ASTN2: variants seen among roughly 807,000 people sequenced by gnomAD.
The protein encoded by ASTN2 is astrotactin-2.
Under a neutral mutation model 139.8 loss-of-function variants are expected in ASTN2, and 54 were observed. That is an observed-to-expected ratio of 0.39 (90% CI 0.31 to 0.48). The LOEUF (loss-of-function observed/expected upper bound fraction) is 0.48, where lower values mean the gene tolerates loss of function less well. Ranked by LOEUF, ASTN2 falls within the 20% of genes least tolerant of loss-of-function variation. The pLI is 0.95. For synonymous variants in ASTN2, 756 were observed against 719.5 expected (o/e 1.05, Z -0.81); for missense variants, 1,565 against 1,725.1 (o/e 0.91, Z 1.64).
intron 16 of ASTN2, among the ~76,000 whole-genome samples, chr9:116,656,202 T>C (rs1037344210): frequency 3.3e-5 from 5 of 152,176 alleles, no homozygotes; most frequent in Admixed American, 2.6e-4. Context: ...TTAATATTTG[T>C]TAAATATATA....
In ASTN2 at chr9:116,791,032, AAAG is replaced by A. The variant is rs1564269194; in HGVS notation, c.2396+14597_2396+14599del. 1.2e-3 allele frequency among the ~76,000 whole-genome samples: 146 copies of A among 122,616 alleles called. 2 individuals carry two copies. The highest frequency in any genetic ancestry group is 4.9e-3 in the East Asian group (13 of 2,674). The allele number at this position is 122,616 out of a possible 152,430, so 80.4% of individuals were successfully genotyped here. On this transcript the variant is annotated intron_variant, in intron 13 of 22. Transcript: ENST00000313400. ...GAAAGAAAGAAAGAAAGAAAGAAAG[AAAG>A]AAAGAAAGAAAAGAAAAGAAAGAAA...
At chr9:116,695,161 A>G (rs1279668295) in intron 16 of ASTN2, among the ~76,000 whole-genome samples, 2 of 152,196 alleles carry the variant, frequency 1.3e-5, no homozygotes, top group South Asian at 2.1e-4. Flanking sequence ...AAGTAAAAAT[A>G]TCTGTACTTC....
At chr9:116,789,368 C>CT (rs1830470133) in intron 13 of ASTN2, among the ~76,000 whole-genome samples, 1 of 152,206 alleles carries the variant, frequency 6.6e-6, no homozygotes, top group Admixed American at 6.5e-5. Context: ...TGACTCCTGG[C>CT]TTGTGCCTGC....
At chr9:116,446,132 T>C in intron 20 of ASTN2, among the ~76,000 whole-genome samples, 1 of 148,808 alleles carries the variant, frequency 6.7e-6, no homozygotes, top group East Asian at 2.0e-4. Flanking sequence ...AGTGAGAAGT[T>C]GGGGGGGGAC....
At chr9:116,963,428 G>A (rs1835922161) in intron 10 of ASTN2, among the ~76,000 whole-genome samples, 1 of 152,230 alleles carries the variant, frequency 6.6e-6, no homozygotes, top group Non-Finnish European at 1.5e-5. Context: ...GCTACTGAAT[G>A]CTGGCTGAAA....
chr9:117,264,294 C>T (rs1036512216), intron 2 of ASTN2, among the ~76,000 whole-genome samples: 5 of 151,988 alleles, frequency 3.3e-5, no homozygotes, highest in African/African-American at 1.2e-4. Flanking sequence ...AATTTCATTG[C>T]AAAGAGAAGT....
At chr9:116,724,686 T>G (rs1409787465) in intron 16 of ASTN2, among the ~76,000 whole-genome samples, 1 of 152,210 alleles carries the variant, frequency 6.6e-6, no homozygotes, top group Non-Finnish European at 1.5e-5. Flanking sequence ...ATTTTGTGGT[T>G]TTTTGTTATG....
Position 117,308,455 on chromosome 9 carries a change from C to T in ASTN2, c.443-16942G>A, listed in dbSNP as rs576418611. 3.3e-5 allele frequency among the ~76,000 whole-genome samples: 5 copies of T among 152,230 alleles called. No individual in the cohort carries two copies. In the South Asian group the frequency reaches 1.0e-3, roughly 32 times the overall value. ...GGCACTAAATGCAGTTAGTATGGAG[C>T]ACATCTGCTTGCCTCAAAGCATTTT... On this transcript the variant is annotated intron_variant, in intron 1 of 22. Coordinates refer to ENST00000313400, the MANE Select transcript of ASTN2 (RefSeq NM_001365068.1).
intron 2 of ASTN2, among the ~76,000 whole-genome samples, chr9:117,227,105 G>C (rs1358280300): frequency 1.3e-5 from 2 of 152,116 alleles, no homozygotes; most frequent in African/African-American, 4.8e-5. Flanking sequence ...AATCATGGGT[G>C]GGGGTTAGGG....
chr9:116,553,744 C>T (rs1255374485), intron 19 of ASTN2, among the ~76,000 whole-genome samples: 3 of 152,156 alleles, frequency 2.0e-5, no homozygotes, highest in Non-Finnish European at 2.9e-5. Context: ...GCCACATTGC[C>T]AGTACTCAAC....
At chr9:116,678,249 G>C (rs1859625788) in intron 16 of ASTN2, among the ~76,000 whole-genome samples, 1 of 152,172 alleles carries the variant, frequency 6.6e-6, no homozygotes, top group Non-Finnish European at 1.5e-5. Context: ...TTAGATTATA[G>C]ATAAGGCCTG....
At chr9:117,315,632 T>G (rs1828120675) in intron 1 of ASTN2, among the ~76,000 whole-genome samples, 1 of 152,206 alleles carries the variant, frequency 6.6e-6, no homozygotes, top group African/African-American at 2.4e-5. Flanking sequence ...CTCCTTTTTC[T>G]TTCTTCAAAA....
intron 10 of ASTN2, among the ~76,000 whole-genome samples, chr9:116,898,046 G>C (rs1833919548): frequency 6.6e-6 from 1 of 151,954 alleles, no homozygotes; most frequent in African/African-American, 2.4e-5. Context: ...ATTTTTAAGT[G>C]AACTTAAAAA....
At chr9:116,633,188 C>T (rs999518424) in intron 17 of ASTN2, among the ~76,000 whole-genome samples, 8 of 152,198 alleles carry the variant, frequency 5.3e-5, no homozygotes, top group South Asian at 2.1e-4. Flanking sequence ...TAGGAAACAT[C>T]GGTTATAACT....
At chr9:117,128,963 C>T (rs1019992761) in intron 4 of ASTN2, among the ~76,000 whole-genome samples, 2 of 152,158 alleles carry the variant, frequency 1.3e-5, no homozygotes, top group African/African-American at 2.4e-5. Flanking sequence ...GGGAAACTGC[C>T]CCCATGATTC....
At chr9:116,486,720 T>C (rs548443793) in intron 20 of ASTN2, among the ~76,000 whole-genome samples, 1 of 152,252 alleles carries the variant, frequency 6.6e-6, no homozygotes, top group South Asian at 2.1e-4. Context: ...CTCATTGAGG[T>C]AGGAAATAAA....
At chr9:116,645,888 G>A (rs574875112) in intron 17 of ASTN2, among the ~76,000 whole-genome samples, 1 of 152,312 alleles carries the variant, frequency 6.6e-6, no homozygotes, top group Non-Finnish European at 1.5e-5. Context: ...AAGTTTTCAA[G>A]TACTATCTAG....
intron 22 of ASTN2, among the ~76,000 whole-genome samples, chr9:116,435,738 G>C (rs184200622): frequency 1.1e-4 from 17 of 152,248 alleles, no homozygotes; most frequent in Admixed American, 1.1e-3. Flanking sequence ...TCCAGATCTG[G>C]ATTAGCTGCT....
At position 116,506,370 on chromosome 9, in the gene ASTN2, C is replaced by T. The variant is rs1009598065; in HGVS notation, c.3356-18870G>A. On this transcript the variant is annotated intron_variant, in intron 19 of 22. Coordinates refer to ENST00000313400, the MANE Select transcript of ASTN2 (RefSeq NM_001365068.1). ...AGCTGCCAGACTCAAATCCAAAGCT[C>T]TTTGTATTTCACCAACTTGTATTTC... Among the ~76,000 whole-genome samples, 3 of 152,186 alleles carry T rather than the reference C, an allele frequency of 2.0e-5. No homozygotes were observed. The South Asian group carries it at 6.2e-4, about 31-fold the overall frequency.
Sources: allele counts gnomAD v4.1 joint callset (sites outside exome capture counted in the v4.1 genomes callset), GRCh38; gene constraint gnomAD v4.1.1; transcripts MANE v1.5; gene names NCBI Gene and HGNC (gene_info 2026-07-23, HGNC 2026-07-21).